The following ATRNL1 variants were observed in gnomAD, a reference collection of about 807,000 sequenced individuals.
The protein encoded by ATRNL1 is attractin-like protein 1.
In ATRNL1, 95 loss-of-function variants were observed where a neutral mutation model predicts 182.7. The observed-to-expected ratio is 0.52, with a 90% CI of 0.44 to 0.62. The LOEUF (loss-of-function observed/expected upper bound fraction) is 0.62, where lower values mean the gene tolerates loss of function less well. Among genes scored for constraint, ATRNL1 ranks in the 20% least tolerant of loss-of-function variants. The pLI is 0.00. For missense variants in ATRNL1, 1,471 were observed against 1,679.5 expected, an observed-to-expected ratio of 0.88 and a Z score of 2.17; for synonymous variants, 576 against 568.3, an observed-to-expected ratio of 1.01 and a Z score of -0.19.
intron 24 of ATRNL1, among the ~76,000 whole-genome samples, chr10:115,477,792 AAT>A (rs1278011211): frequency 6.6e-6 from 1 of 151,712 alleles, no homozygotes; most frequent in African/African-American, 2.4e-5. Flanking sequence ...CTAGGAAAAT[AAT>A]ATGACTATAA....
At chr10:115,266,735 TA>T in intron 11 of ATRNL1, 61 bp from the exon 12 acceptor site, 2 of 940,048 alleles carry the variant, frequency 2.1e-6, no homozygotes, top group Non-Finnish European at 3.3e-6. Flanking sequence ...TTTTTATAAC[TA>T]AATCAGTAGA....
intron 28 of ATRNL1, among the ~76,000 whole-genome samples, chr10:115,881,679 C>G (rs1438756036): frequency 6.6e-6 from 1 of 152,170 alleles, no homozygotes; most frequent in Non-Finnish European, 1.5e-5. Context: ...GTCTCTTTTA[C>G]TCATTATAGG....
chr10:115,189,429 A>G (rs530245685), intron 8 of ATRNL1, among the ~76,000 whole-genome samples: 7 of 152,256 alleles, frequency 4.6e-5, no homozygotes, highest in African/African-American at 1.7e-4. Flanking sequence ...CTCCATGCAT[A>G]TGAATGCCCC....
Position 115,650,582 on chromosome 10 carries a change from T to C in ATRNL1, c.3796-76666T>C, listed in dbSNP as rs1270806003. Reference sequence around the variant, plus strand: ...ACACATGCACACAGATACGTTTGAATAGAAAAGCTGACCATGTTGATTTAA... The same window carrying C: ...ACACATGCACACAGATACGTTTGAACAGAAAAGCTGACCATGTTGATTTAA... On this transcript the variant is annotated intron_variant, in intron 26 of 28. Coordinates refer to ENST00000355044, the MANE Select transcript of ATRNL1 (RefSeq NM_207303.4). Among the ~76,000 whole-genome samples, 10 of 152,154 alleles carry C rather than the reference T, an allele frequency of 6.6e-5. 1 individual carries two copies. In the South Asian group the frequency reaches 2.1e-3, roughly 32 times the overall value.
At chr10:115,360,655 T>C (rs1856701425) in intron 19 of ATRNL1, among the ~76,000 whole-genome samples, 1 of 151,166 alleles carries the variant, frequency 6.6e-6, no homozygotes, top group African/African-American at 2.4e-5. Context: ...TCTTAGTCTT[T>C]TTTTTTTAAA....
At chr10:115,907,777 T>C (rs1565477328) in intron 28 of ATRNL1, among the ~76,000 whole-genome samples, 1 of 152,082 alleles carries the variant, frequency 6.6e-6, no homozygotes, top group Non-Finnish European at 1.5e-5. Context: ...ATATTTAATG[T>C]GAGTACCTTT....
intron 27 of ATRNL1, among the ~76,000 whole-genome samples, chr10:115,735,365 C>A (rs1593144372): frequency 6.6e-6 from 1 of 152,114 alleles, no homozygotes; most frequent in Non-Finnish European, 1.5e-5. Context: ...ATTGTGTTCA[C>A]GTGAAAATTG....
chr10:115,447,115 T>C (rs1352632111), intron 21 of ATRNL1, among the ~76,000 whole-genome samples: 2 of 151,848 alleles, frequency 1.3e-5, no homozygotes, highest in African/African-American at 4.8e-5. Context: ...ACATAAAGAA[T>C]AGTTTATCTT....
At chr10:115,238,680 A>T (rs976662757) in intron 9 of ATRNL1, among the ~76,000 whole-genome samples, 36 of 152,122 alleles carry the variant, frequency 2.4e-4, no homozygotes, top group African/African-American at 8.4e-4. Context: ...AGACAGTCAT[A>T]TCATTTGTGA....
chr10:115,442,046 T>G (rs369506014), intron 21 of ATRNL1, among the ~76,000 whole-genome samples: 2 of 152,036 alleles, frequency 1.3e-5, no homozygotes, highest in South Asian at 2.1e-4. Context: ...CCATTTTCAG[T>G]TTTAATTTTC....
At chr10:115,155,570 G>A (rs1564782438) in intron 5 of ATRNL1, among the ~76,000 whole-genome samples, 1 of 152,116 alleles carries the variant, frequency 6.6e-6, no homozygotes, top group Non-Finnish European at 1.5e-5. Flanking sequence ...AGATTTGACT[G>A]CATAGCTCAT....
chr10:115,331,516 A>G (rs981073542), intron 18 of ATRNL1, among the ~76,000 whole-genome samples: 1 of 152,214 alleles, frequency 6.6e-6, no homozygotes, highest in Non-Finnish European at 1.5e-5. Context: ...TAAAGCAGCT[A>G]TATTTTAATT....
intron 9 of ATRNL1, among the ~76,000 whole-genome samples, chr10:115,224,426 G>A (rs1849614241): frequency 6.6e-6 from 1 of 151,822 alleles, no homozygotes; most frequent in Admixed American, 6.6e-5. Flanking sequence ...AAAAAGAACA[G>A]CAGACTGATC....
chr10:115,630,687 A>G (rs1198944745), intron 26 of ATRNL1, among the ~76,000 whole-genome samples: 1 of 148,296 alleles, frequency 6.7e-6, no homozygotes. Context: ...TTTAGTATTT[A>G]TATATGTATA....
chr10:115,532,122 G>T (rs1280553345), intron 25 of ATRNL1, among the ~76,000 whole-genome samples: 1 of 151,542 alleles, frequency 6.6e-6, no homozygotes, highest in African/African-American at 2.4e-5. Flanking sequence ...GCTCTTTTTT[G>T]GTTCCATATG....
chr10:115,702,285 A>G (rs1555051733), intron 26 of ATRNL1, among the ~76,000 whole-genome samples: 1 of 152,066 alleles, frequency 6.6e-6, no homozygotes, highest in Non-Finnish European at 1.5e-5. Flanking sequence ...AATAAGAGCC[A>G]TCTTTGACAA....
intron 21 of ATRNL1, among the ~76,000 whole-genome samples, chr10:115,428,595 G>C (rs1250385704): frequency 6.6e-6 from 1 of 151,942 alleles, no homozygotes; most frequent in Non-Finnish European, 1.5e-5. Context: ...ATCAGAAATG[G>C]TTGTTTATGT....
intron 19 of ATRNL1, among the ~76,000 whole-genome samples, chr10:115,347,077 T>C (rs76444184): frequency 3.6e-3 from 543 of 152,260 alleles, no homozygotes; most frequent in African/African-American, 0.012. Context: ...CTTTTAGGAA[T>C]ATGTTCCCCT....
At chr10:115,727,224 T>G in intron 26 of ATRNL1, 24 bp from the exon 27 acceptor site, 1 of 1,537,646 alleles carries the variant, frequency 6.5e-7, no homozygotes, top group Non-Finnish European at 9.0e-7. Flanking sequence ...TATTTTAAGA[T>G]AAATCATTTT....
Sources: allele counts gnomAD v4.1 joint callset (sites outside exome capture counted in the v4.1 genomes callset), GRCh38; gene constraint gnomAD v4.1.1; transcripts MANE v1.5; gene names NCBI Gene and HGNC (gene_info 2026-07-23, HGNC 2026-07-21).